RARB: variants seen among roughly 807,000 people sequenced by gnomAD.
The protein encoded by RARB is HBV-activated protein.
RARB carries 17 observed loss-of-function variants against 51.9 expected under a neutral mutation model. The observed-to-expected ratio is 0.33, with a 90% CI of 0.22 to 0.49. RARB has a LOEUF of 0.49. RARB is among the 20% of genes least tolerant of loss of function. The pLI, the probability that RARB is intolerant of heterozygous loss-of-function variation, is 0.99. For synonymous variants in RARB, 215 were observed against 195.4 expected (o/e 1.10, Z -0.84); for missense variants, 369 against 550.8 (o/e 0.67, Z 3.30).
intron 5 of RARB, among the ~76,000 whole-genome samples, chr3:25,202,963 G>C (rs1224292801): frequency 1.3e-5 from 2 of 152,164 alleles, no homozygotes; most frequent in African/African-American, 4.8e-5. Flanking sequence ...GCTTGGTGCA[G>C]AGCTGAGTTC....
chr3:25,159,414 C>G (rs1428443534), intron 4 of RARB, among the ~76,000 whole-genome samples: 1 of 117,278 alleles, frequency 8.5e-6, no homozygotes, highest in South Asian at 3.6e-4. Flanking sequence ...GATGATCCAC[C>G]CCCCCCGCTC....
intron 1 of RARB, among the ~76,000 whole-genome samples, chr3:24,836,772 G>A (rs561257797): frequency 2.0e-5 from 3 of 152,290 alleles, no homozygotes; most frequent in Admixed American, 1.3e-4. Flanking sequence ...AGGATTTACC[G>A]TTTTAATGAA....
intron 4 of RARB, among the ~76,000 whole-genome samples, chr3:25,170,004 AAAAAG>A (rs1559490649): frequency 4.3e-5 from 5 of 115,328 alleles, no homozygotes; most frequent in East Asian, 2.3e-4. Context: ...AAAAAAAAAA[AAAAAG>A]AAAGAAAAAA....
intron 5 of RARB, among the ~76,000 whole-genome samples, chr3:25,314,178 G>A (rs1704361228): frequency 6.6e-6 from 1 of 151,890 alleles, no homozygotes; most frequent in South Asian, 2.1e-4. Context: ...GAAAAAGCTG[G>A]AAAAATAAGG....
At chr3:25,132,343 T>C (rs760193104) in intron 4 of RARB, among the ~76,000 whole-genome samples, 5 of 151,914 alleles carry the variant, frequency 3.3e-5, no homozygotes, top group Non-Finnish European at 7.4e-5. Flanking sequence ...TTTCATGATA[T>C]TATTGCATTT....
intron 3 of RARB, among the ~76,000 whole-genome samples, chr3:25,123,145 C>A (rs1479536894): frequency 6.6e-6 from 1 of 152,162 alleles, no homozygotes; most frequent in East Asian, 1.9e-4. Context: ...GCTGTCCAGG[C>A]AAAACTCCCT....
At chr3:25,314,468 A>C (rs1398087992) in intron 5 of RARB, among the ~76,000 whole-genome samples, 1 of 152,184 alleles carries the variant, frequency 6.6e-6, no homozygotes, top group African/African-American at 2.4e-5. Flanking sequence ...GTAAGATTTT[A>C]AGATAGTTTA....
intron 1 of RARB, among the ~76,000 whole-genome samples, chr3:25,444,301 C>A (rs116026772): frequency 2.0e-4 from 30 of 152,140 alleles, no homozygotes; most frequent in Admixed American, 4.6e-4. Flanking sequence ...TCTTTGCCAA[C>A]GATATAAATT....
At chr3:25,132,538 T>A (rs1337031125) in intron 4 of RARB, among the ~76,000 whole-genome samples, 2 of 151,930 alleles carry the variant, frequency 1.3e-5, no homozygotes, top group Non-Finnish European at 2.9e-5. Context: ...TTCCCTGTAT[T>A]ATTGCAATTG....
chr3:25,246,133 T>C (rs1006488599), intron 5 of RARB, among the ~76,000 whole-genome samples: 1 of 152,056 alleles, frequency 6.6e-6, no homozygotes, highest in Non-Finnish European at 1.5e-5. Context: ...TTGTGTATGC[T>C]TCACAAAGTT....
Position 25,259,265 on chromosome 3 carries a change from T to C in RARB, c.178+84690T>C, listed in dbSNP as rs1038095282. On this transcript the variant is annotated intron_variant, in intron 5 of 11. Transcript: ENST00000383772. The stretch of plus-strand genomic sequence containing the variant: ...GGAGTTTTTGCTGTGAAGTGGCTGC[T>C]CAGACAGAGACTGGATCTCCCAGCA... Among the ~76,000 whole-genome samples, 4 of 152,260 alleles carry C rather than the reference T, an allele frequency of 2.6e-5. No homozygotes were observed. In the Middle Eastern group the frequency reaches 0.01, roughly 388 times the overall value.
chr3:25,187,875 T>G (rs548069914), intron 5 of RARB, among the ~76,000 whole-genome samples: 1 of 152,166 alleles, frequency 6.6e-6, no homozygotes, highest in East Asian at 1.9e-4. Flanking sequence ...AATGTTTTAG[T>G]GTGTTTGAGA....
At chr3:25,484,655 C>G (rs930130792) in intron 2 of RARB, among the ~76,000 whole-genome samples, 2 of 151,810 alleles carry the variant, frequency 1.3e-5, no homozygotes. Flanking sequence ...GGTACACAGC[C>G]AATCCATTCA....
chr3:25,163,844 A>AGG (rs1270461665), intron 4 of RARB, among the ~76,000 whole-genome samples: 1 of 152,112 alleles, frequency 6.6e-6, no homozygotes, highest in African/African-American at 2.4e-5. Context: ...TTTTGACCTT[A>AGG]GGAGGTAAAG....
chr3:24,858,385 A>T (rs972029802), intron 1 of RARB, among the ~76,000 whole-genome samples: 1 of 152,170 alleles, frequency 6.6e-6, no homozygotes, highest in African/African-American at 2.4e-5. Flanking sequence ...CATTTAAAGC[A>T]CGTAAGCCCA....
intron 2 of RARB, among the ~76,000 whole-genome samples, chr3:24,955,087 T>A (rs562057422): frequency 1.6e-4 from 24 of 152,230 alleles, no homozygotes; most frequent in Middle Eastern, 3.4e-3. Context: ...ACAAATTGGG[T>A]CGCATGAAGG....
At chr3:25,438,155 T>G (rs1419415794) in intron 1 of RARB, among the ~76,000 whole-genome samples, 1 of 152,206 alleles carries the variant, frequency 6.6e-6, no homozygotes, top group East Asian at 1.9e-4. Context: ...GGGATCTGCA[T>G]GTGACTTGTG....
At chr3:24,946,158 G>A (rs904135227) in intron 2 of RARB, among the ~76,000 whole-genome samples, 5 of 151,370 alleles carry the variant, frequency 3.3e-5, no homozygotes, top group South Asian at 2.1e-4. Context: ...CCAGCTACTC[G>A]GGAGACTGAG....
chr3:25,524,697 C>G (rs1450888582), intron 3 of RARB, among the ~76,000 whole-genome samples: 4 of 150,064 alleles, frequency 2.7e-5, no homozygotes, highest in African/African-American at 7.4e-5. Flanking sequence ...CTTTCTGTCC[C>G]TTTTTCCTCC....
Sources: gnomAD v4.1 joint callset for allele counts (sites outside exome capture counted in the v4.1 genomes callset) on GRCh38, gnomAD v4.1.1 for gene constraint, MANE v1.5 for transcripts, NCBI Gene and HGNC (gene_info 2026-07-23, HGNC 2026-07-21) for gene names.